Variants in BTNL9 observed in about 807,000 individuals in gnomAD.
BTNL9 encodes butyrophilin like 9.
Under a neutral mutation model 45.8 loss-of-function variants are expected in BTNL9, and 45 were observed. The ratio of observed to expected loss-of-function variants is 0.98; its 90% CI spans 0.77 to 1.26. The LOEUF (loss-of-function observed/expected upper bound fraction) is 1.26. Among genes scored for constraint, BTNL9 ranks in the 50% most tolerant of loss-of-function variants. The pLI is 0.00. For synonymous variants in BTNL9, 346 were observed against 330.8 expected (o/e 1.05, Z -0.50); for missense variants, 784 against 729.7 (o/e 1.07, Z -0.86).
At chr5:181,044,476 C>T (rs1420886674) in intron 1 of BTNL9, among the ~76,000 whole-genome samples, 3 of 152,072 alleles carry the variant, frequency 2.0e-5, no homozygotes, top group Admixed American at 6.5e-5. Flanking sequence ...AGTGCGTGGG[C>T]GTTGGGAAGG....
At position 181,059,479 on chromosome 5, in the gene BTNL9, G is replaced by T. The variant is rs1253099215; in HGVS notation, c.1225G>T (p.Gly409Trp). 1 of 1,468,852 alleles carries T rather than the reference G, an allele frequency of 6.8e-7. No individual in the cohort carries two copies. Among genetic ancestry groups the T allele is most frequent in the Non-Finnish European group, 9.0e-7 (1 of 1,117,076 alleles). The allele number at this position is 1,468,852 out of a possible 1,614,324, so 91.0% of individuals were successfully genotyped here. Residue 409 changes from glycine to tryptophan, a missense_variant, in exon 11 of 11, where the codon GGG (glycine) becomes TGG (tryptophan). Gly to Trp is a radical substitution (Grantham distance 184, BLOSUM62 -2). Transcript: ENST00000327705. Reference sequence around the variant, plus strand: ...CTGCCTGGCCGCGGTGCCGCGCGCGGGGCCTGCGCGCCTGAGCCCTGCGGC... The same window carrying T: ...CTGCCTGGCCGCGGTGCCGCGCGCGTGGCCTGCGCGCCTGAGCCCTGCGGC... ...GACLAAVPRA[G>W]PARLSPAAGY...
chr5:181,059,201 G>C (rs763371636), intron 10 of BTNL9, 36 bp from the exon 11 acceptor site: 1 of 1,482,728 alleles, frequency 6.7e-7, no homozygotes, highest in Non-Finnish European at 8.9e-7. Context: ...GGCCCAGACC[G>C]TCCCGGGCGG....
intron 1 of BTNL9, among the ~76,000 whole-genome samples, chr5:181,043,125 G>A (rs1330576965): frequency 1.3e-5 from 2 of 152,238 alleles, no homozygotes; most frequent in South Asian, 4.1e-4. Flanking sequence ...CTGAGGTATA[G>A]ATAAGTGTTT....
Position 181,053,754 on chromosome 5 carries a change from A to T in BTNL9, c.886+253A>T. 6.6e-7 allele frequency: 1 copy of T among 1,513,186 alleles called. No individual in the cohort carries two copies. Among genetic ancestry groups the T allele is most frequent in the Non-Finnish European group, 8.8e-7 (1 of 1,132,086 alleles). The allele number at this position is 1,513,186 out of a possible 1,614,324, so 93.7% of individuals were successfully genotyped here. On this transcript the variant is annotated intron_variant, in intron 6 of 10. Transcript: ENST00000327705. The surrounding 1 kb of genome is among the most constrained non-coding windows in gnomAD (Gnocchi z 6.5). ...TCAGGGTTGACCGGCTGCTGTCGTT[A>T]CGCCCTCGGAGCTTCACATCACACT...
intron 3 of BTNL9, among the ~76,000 whole-genome samples, chr5:181,049,380 C>A (rs937886571): frequency 9.2e-5 from 14 of 152,154 alleles, no homozygotes; most frequent in Non-Finnish European, 1.6e-4. Context: ...TATTATGCAT[C>A]TGAAACAATG....
intron 1 of BTNL9, among the ~76,000 whole-genome samples, chr5:181,041,717 G>T (rs953386541): frequency 1.3e-5 from 2 of 152,120 alleles, no homozygotes; most frequent in African/African-American, 4.8e-5. Context: ...CTTAAATTAT[G>T]GTTTTCCTGT....
Position 181,053,620 on chromosome 5 carries a change from C to A in BTNL9, c.886+119C>A, listed in dbSNP as rs1299869873. On this transcript the variant is annotated intron_variant, in intron 6 of 10. Transcript: ENST00000327705. This position sits in a 1 kb window ranked among gnomAD's most constrained non-coding sequence, Gnocchi z 6.5. ...CAGCGCGAGGTGTCAGGGCGGCCAC[C>A]GGGGAACGGGGATCGGTGACCCCGG... 4 of 1,544,780 alleles carry A rather than the reference C, an allele frequency of 2.6e-6. No homozygotes were observed. The highest frequency in any genetic ancestry group is 2.0e-5 in the Admixed American group (1 of 50,660).
intron 9 of BTNL9, among the ~76,000 whole-genome samples, 174 bp downstream of exon 9, chr5:181,056,189 A>C (rs566565264): frequency 3.9e-4 from 59 of 152,312 alleles, no homozygotes; most frequent in African/African-American, 1.4e-3. Context: ...GACTAAGTGT[A>C]CTGCAAACCA....
At chr5:181,045,433 C>T in intron 1 of BTNL9, 34 bp from the exon 2 acceptor site, 1 of 1,141,902 alleles carries the variant, frequency 8.8e-7, no homozygotes, top group Non-Finnish European at 1.3e-6. Context: ...CCTACCTTTG[C>T]ACGTCGCTCC....
At chr5:181,043,198 ATG>A (rs1326592104) in intron 1 of BTNL9, among the ~76,000 whole-genome samples, 2 of 150,950 alleles carry the variant, frequency 1.3e-5, no homozygotes, top group African/African-American at 4.9e-5. Context: ...GTGTGTGTGT[ATG>A]TGTCTGTGTG....
In BTNL9 at chr5:181,053,739, C is replaced by T. The variant is rs762337106; in HGVS notation, c.886+238C>T. ...GCTAGTGCACAGATGTCAGGGTTGACCGGCTGCTGTCGTTACGCCCTCGGA... is the reference window on the plus strand; with the variant it reads ...GCTAGTGCACAGATGTCAGGGTTGATCGGCTGCTGTCGTTACGCCCTCGGA... On this transcript the variant is annotated intron_variant, in intron 6 of 10. Coordinates refer to ENST00000327705, the MANE Select transcript of BTNL9 (RefSeq NM_152547.5). The surrounding 1 kb of genome is among the most constrained non-coding windows in gnomAD (Gnocchi z 6.5). The T allele has an allele frequency of 1.3e-6, 2 of 1,512,840 alleles. No individual in the cohort carries two copies. The highest frequency in any genetic ancestry group is 2.1e-5 in the Admixed American group (1 of 48,564). 93.7% of individuals were successfully genotyped at this position (1,512,840 alleles called of 1,614,324 possible).
chr5:181,047,984 A>AG lies in BTNL9; in HGVS notation c.168dup (p.Phe57ValfsTer71). The AG allele has an allele frequency of 6.2e-7, 1 of 1,613,808 alleles. No individual in the cohort carries two copies. The highest frequency in any genetic ancestry group is 8.5e-7 in the Non-Finnish European group (1 of 1,180,002). ...CTGGCCCTCGTCGGGGAGGAGGTGG[A>AG]GTTCCCGTGCCACCTATGGCCACAG... On this transcript the variant is annotated frameshift_variant, in exon 3 of 11. Coordinates refer to ENST00000327705, the MANE Select transcript of BTNL9 (RefSeq NM_152547.5). LOFTEE classifies it high-confidence loss of function.
At chr5:181,056,653 T>C (rs1362773941) in intron 9 of BTNL9, 1 of 716,714 alleles carries the variant, frequency 1.4e-6, no homozygotes. Flanking sequence ...TGTGTGGAGA[T>C]TTCTCTGGGG....
rs760692768 is a variant in BTNL9, at chr5:181,056,029, ATC to A, written c.955+22_955+23del. 6.2e-7 allele frequency: 1 copy of A among 1,613,984 alleles called. No homozygotes were observed. The highest frequency in any genetic ancestry group is 8.5e-7 in the Non-Finnish European group (1 of 1,179,954). On this transcript the variant is annotated intron_variant, in intron 9 of 10. Coordinates refer to ENST00000327705, the MANE Select transcript of BTNL9 (RefSeq NM_152547.5). ...AAGGCCAGGCTGGTGAGTGGAACCC[ATC>A]TCTCTCTGACTCCTCCTCATTTATA...
In BTNL9 at chr5:181,046,682, C is replaced by CGAGA. The variant is rs140315475; in HGVS notation, c.109+1096_109+1099dup. On this transcript the variant is annotated intron_variant, in intron 2 of 10. Transcript: ENST00000327705. ...CCATGGCTGAGAGAAAGAGAGAGAGCGAGAGAGAGAGAGAGCGAGAGAGAG... is the reference window on the plus strand; with the variant it reads ...CCATGGCTGAGAGAAAGAGAGAGAGCGAGAGAGAGAGAGAGAGAGCGAGAGAGAG... Among the ~76,000 whole-genome samples the CGAGA allele has an allele frequency of 1.6e-4, 22 of 140,504 alleles. 1 individual carries two copies. The South Asian group carries it at 2.1e-3, about 14-fold the overall frequency. The allele number at this position is 140,504 out of a possible 152,430, so 92.2% of individuals were successfully genotyped here.
Position 181,051,939 on chromosome 5 carries a change from G to A in BTNL9, c.737-1261G>A, listed in dbSNP as rs555831176. On this transcript the variant is annotated intron_variant, in intron 4 of 10. Transcript: ENST00000327705. ...GACTCACATGGATACCTTTGGGAAG[G>A]CATTCTGGTGGCGGGAAGGGCAAAG... 4.6e-5 allele frequency among the ~76,000 whole-genome samples: 7 copies of A among 152,272 alleles called. No homozygotes were observed. The South Asian group carries it at 1.5e-3, about 32-fold the overall frequency.
intron 6 of BTNL9, 125 bp from the exon 7 acceptor site, chr5:181,054,114 A>AC (rs1431978271): frequency 1.3e-5 from 20 of 1,556,448 alleles, no homozygotes; most frequent in Non-Finnish European, 1.7e-5. Context: ...CCCGCAGACC[A>AC]CCGCGGGTGG....
chr5:181,053,653 G>A lies in BTNL9; in HGVS notation c.886+152G>A. 3 of 1,536,036 alleles carry A rather than the reference G, an allele frequency of 2.0e-6. No individual in the cohort carries two copies. In the South Asian group the frequency reaches 3.6e-5, roughly 19 times the overall value. On this transcript the variant is annotated intron_variant, in intron 6 of 10. Transcript: ENST00000327705. This position sits in a 1 kb window ranked among gnomAD's most constrained non-coding sequence, Gnocchi z 6.5. ...GGGGATCGGTGACCCCGGTGGGGAA[G>A]GGGGAAGATCGTTCATATGGACAAA...
In BTNL9 at chr5:181,053,652, A is replaced by G. The variant is rs1428824424; in HGVS notation, c.886+151A>G. 5.9e-6 allele frequency: 9 copies of G among 1,538,396 alleles called. No individual in the cohort carries two copies. Among genetic ancestry groups the G allele is most frequent in the East Asian group, 2.5e-5 (1 of 40,670 alleles). ...CGGGGATCGGTGACCCCGGTGGGGAAGGGGGAAGATCGTTCATATGGACAA... is the reference window on the plus strand; with the variant it reads ...CGGGGATCGGTGACCCCGGTGGGGAGGGGGGAAGATCGTTCATATGGACAA... On this transcript the variant is annotated intron_variant, in intron 6 of 10. Coordinates refer to ENST00000327705, the MANE Select transcript of BTNL9 (RefSeq NM_152547.5). The surrounding 1 kb of genome is among the most constrained non-coding windows in gnomAD (Gnocchi z 6.5).
Sources: gnomAD v4.1 joint callset for allele counts (sites outside exome capture counted in the v4.1 genomes callset) on GRCh38, gnomAD v4.1.1 for gene constraint, Gnocchi (gnomAD v3.1) non-coding constraint, MANE v1.5 for transcripts, NCBI Gene and HGNC (gene_info 2026-07-23, HGNC 2026-07-21) for gene names.